Variants in RAB3IL1 observed in about 807,000 individuals in gnomAD.
The protein encoded by RAB3IL1 is RAB3A interacting protein like 1, also known as guanine nucleotide exchange factor for Rab-3A.
A neutral mutation model predicts 49.2 loss-of-function variants in RAB3IL1; 37 were observed. The observed-to-expected ratio is 0.75, with a 90% CI of 0.58 to 0.99. RAB3IL1 has a LOEUF of 0.99. Among genes scored for constraint, RAB3IL1 ranks in the 50% least tolerant of loss-of-function variants. The pLI, the probability that RAB3IL1 is intolerant of heterozygous loss-of-function variation, is 0.00. For synonymous variants in RAB3IL1, 193 were observed against 213.9 expected (o/e 0.90, Z 0.85); for missense variants, 484 against 513.0 (o/e 0.94, Z 0.55).
chr11:61,928,802 AAT>A, the RAB3IL1 span, among the ~76,000 whole-genome samples: 1 of 152,232 alleles, frequency 6.6e-6, no homozygotes, highest in Non-Finnish European at 1.5e-5. Context: ...CCTATTGCTC[AAT>A]ATCAAGCAGT....
intron 8 of RAB3IL1, among the ~76,000 whole-genome samples, chr11:61,901,431 G>A (rs572643410): frequency 1.3e-5 from 2 of 152,336 alleles, no homozygotes; most frequent in South Asian, 2.1e-4. Flanking sequence ...CAGACGCACC[G>A]CTGAACCTTT....
At chr11:61,944,115 G>A in the RAB3IL1 span, among the ~76,000 whole-genome samples, 2 of 151,218 alleles carry the variant, frequency 1.3e-5, no homozygotes, top group African/African-American at 2.4e-5. Flanking sequence ...AAACTTTTGT[G>A]CATCAAGGAA....
the RAB3IL1 span, among the ~76,000 whole-genome samples, chr11:61,944,242 C>CCTTCCCTCCTTCCTTCCTTCCTTT: frequency 7.9e-6 from 1 of 127,280 alleles, no homozygotes; most frequent in Non-Finnish European, 1.7e-5. Flanking sequence ...TTCCTTCCTT[C>CCTTCCCTCCTTCCTTCCTTCCTTT]CTTCCTTCCT....
At chr11:61,922,100 T>TC (rs900897763), upstream of RAB3IL1, among the ~76,000 whole-genome samples, 6 of 151,812 alleles carry the variant, frequency 4.0e-5, no homozygotes, top group African/African-American at 1.5e-4. Context: ...TCCCAGCTAC[T>TC]CGGGAGGCTG....
Position 61,898,612 on chromosome 11 carries a change from G to A in RAB3IL1, c.1067-252C>T, listed in dbSNP as rs749837001. Among the ~76,000 whole-genome samples, 2 of 152,196 alleles carry A rather than the reference G, an allele frequency of 1.3e-5. No homozygotes were observed. Among genetic ancestry groups the A allele is most frequent in the African/African-American group, 4.8e-5 (2 of 41,428 alleles). On this transcript the variant is annotated intron_variant, in intron 9 of 9. Coordinates refer to ENST00000394836, the MANE Select transcript of RAB3IL1 (RefSeq NM_013401.4). The surrounding 1 kb of genome is among the most constrained non-coding windows in gnomAD (Gnocchi z 5.1). ...ACACTGACGGCCACCCCCACAGCCC[G>A]ACGCAGACAAGCAGGTACACGCTGT...
rs568724562 is a variant in RAB3IL1, at chr11:61,909,845, G to A, written c.12-1539C>T. On this transcript the variant is annotated intron_variant, in intron 1 of 9. Transcript: ENST00000394836. ...ACAGCAGCTGGGTGCAGTGGCTCAC[G>A]CCTGTAATCCCAGCACTTTGGGAGG... 2.0e-5 allele frequency among the ~76,000 whole-genome samples: 3 copies of A among 152,296 alleles called. 1 individual carries two copies. Among genetic ancestry groups the A allele is most frequent in the South Asian group, 4.1e-4 (2 of 4,824 alleles).
chr11:61,901,436 A>G (rs1255818503), intron 8 of RAB3IL1, among the ~76,000 whole-genome samples: 1 of 152,088 alleles, frequency 6.6e-6, no homozygotes, highest in East Asian at 1.9e-4. Flanking sequence ...GCACCGCTGA[A>G]CCTTTTCCAA....
the RAB3IL1 span, among the ~76,000 whole-genome samples, chr11:61,940,274 T>A: frequency 1.3e-5 from 2 of 151,484 alleles, no homozygotes; most frequent in Non-Finnish European, 1.5e-5. Context: ...AAACCCTGTC[T>A]CCACTAAAAA....
upstream of RAB3IL1, among the ~76,000 whole-genome samples, chr11:61,922,929 C>T (rs1352544785): frequency 6.6e-6 from 1 of 152,226 alleles, no homozygotes; most frequent in Non-Finnish European, 1.5e-5. Flanking sequence ...TACCTGGAAA[C>T]AATTAATGGA....
At chr11:61,908,350 G>T in intron 1 of RAB3IL1, 44 bp from the exon 2 acceptor site, 1 of 1,394,790 alleles carries the variant, frequency 7.2e-7, no homozygotes. Context: ...GTGGGGTCCT[G>T]AGGCCTGGAG....
At chr11:61,905,202 G>C (rs1200809130) in intron 5 of RAB3IL1, among the ~76,000 whole-genome samples, 2 of 152,224 alleles carry the variant, frequency 1.3e-5, no homozygotes, top group Non-Finnish European at 2.9e-5. Flanking sequence ...AAGTCAAAGA[G>C]CAACTAGCAG....
chr11:61,923,998 G>A (rs149356153), upstream of RAB3IL1, among the ~76,000 whole-genome samples: 300 of 152,200 alleles, frequency 2.0e-3, 3 homozygotes, highest in African/African-American at 6.5e-3. Context: ...CGGCCGAATG[G>A]GGTCACAGCT....
upstream of RAB3IL1, among the ~76,000 whole-genome samples, chr11:61,925,098 G>A (rs1272696811): frequency 6.6e-6 from 1 of 152,186 alleles, no homozygotes; most frequent in African/African-American, 2.4e-5. Context: ...CCTTGCAGCG[G>A]CCCGACAGTC....
At chr11:61,900,162 A>T (rs1475795453) in intron 8 of RAB3IL1, among the ~76,000 whole-genome samples, 1 of 152,184 alleles carries the variant, frequency 6.6e-6, no homozygotes, top group Non-Finnish European at 1.5e-5. Context: ...GGGTGGAATC[A>T]ACTCTGCTAA....
chr11:61,904,463 C>T lies in RAB3IL1; in HGVS notation c.899+83G>A. On this transcript the variant is annotated intron_variant, in intron 7 of 9. Coordinates refer to ENST00000394836, the MANE Select transcript of RAB3IL1 (RefSeq NM_013401.4). ...CCTGTCCTGTCGGCGCTGCTGCATC[C>T]TGACCACCCCTCGGCACAGTAAACA... The T allele has an allele frequency of 3.0e-6, 4 of 1,347,020 alleles. No individual in the cohort carries two copies. In the Middle Eastern group the frequency reaches 5.4e-4, roughly 181 times the overall value. 83.4% of individuals were successfully genotyped at this position (1,347,020 alleles called of 1,614,324 possible).
chr11:61,914,563 A>T (rs766688506), intron 1 of RAB3IL1, among the ~76,000 whole-genome samples: 9 of 152,136 alleles, frequency 5.9e-5, no homozygotes, highest in Non-Finnish European at 1.3e-4. Context: ...AAGGGGGACA[A>T]CCCAGTTTGG....
At chr11:61,924,447 C>T (rs893959046), upstream of RAB3IL1, among the ~76,000 whole-genome samples, 6 of 152,148 alleles carry the variant, frequency 3.9e-5, no homozygotes, top group African/African-American at 1.4e-4. Context: ...GAGGACAAGG[C>T]AGAGGCCCTG....
the RAB3IL1 span, among the ~76,000 whole-genome samples, chr11:61,931,415 G>A: frequency 6.6e-6 from 1 of 152,158 alleles, no homozygotes; most frequent in Non-Finnish European, 1.5e-5. Flanking sequence ...GCCAACCCAA[G>A]AAGAGAGATC....
At chr11:61,917,638 G>A (rs1477384880), upstream of RAB3IL1, 2 of 939,152 alleles carry the variant, frequency 2.1e-6, no homozygotes, top group Non-Finnish European at 2.6e-6. Context: ...GCTGGGATCC[G>A]GCGCGCGCTC....
Sources: allele counts gnomAD v4.1 joint callset (sites outside exome capture counted in the v4.1 genomes callset), GRCh38; gene constraint gnomAD v4.1.1; non-coding constraint Gnocchi (gnomAD v3.1); transcripts MANE v1.5; gene names NCBI Gene and HGNC (gene_info 2026-07-23, HGNC 2026-07-21).